The following SEC24B variants were observed in gnomAD, a reference collection of about 807,000 sequenced individuals.
SEC24B encodes the protein SEC24 homolog B, COPII component.
SEC24B carries 45 observed loss-of-function variants against 142.8 expected under a neutral mutation model. The observed-to-expected ratio is 0.32, with a 90% CI of 0.25 to 0.40. The LOEUF is 0.40. SEC24B is among the 10% of genes least tolerant of loss of function. The pLI is 1.00. For missense variants in SEC24B, 1,409 were observed against 1,526.8 expected (o/e 0.92, Z 1.29); for synonymous variants, 574 against 568.2 (o/e 1.01, Z -0.15).
chr4:109,439,068 T>C (rs140892529), intron 1 of SEC24B, among the ~76,000 whole-genome samples: 306 of 152,244 alleles, frequency 2.0e-3, no homozygotes, highest in African/African-American at 7.0e-3. Context: ...AGGAAGCAAA[T>C]GGTGTTCATT....
At chr4:109,539,259 G>A (rs1378781767) in intron 23 of SEC24B, among the ~76,000 whole-genome samples, 1 of 151,594 alleles carries the variant, frequency 6.6e-6, no homozygotes, top group African/African-American at 2.4e-5. Context: ...ACCACGCCCG[G>A]CCAATTTTAA....
At chr4:109,462,497 C>T (rs1484331267) in intron 1 of SEC24B, among the ~76,000 whole-genome samples, 1 of 152,080 alleles carries the variant, frequency 6.6e-6, no homozygotes, top group East Asian at 1.9e-4. Flanking sequence ...TGGCTGTTGG[C>T]CAGAGAGTTA....
intron 3 of SEC24B, 83 bp downstream of exon 3, chr4:109,473,269 C>A: frequency 1.1e-6 from 1 of 941,536 alleles, no homozygotes; most frequent in Non-Finnish European, 1.5e-6. Flanking sequence ...TACTTATAAT[C>A]TCAATCCAAA....
chr4:109,511,863 A>C (rs1363936271), intron 8 of SEC24B, 94 bp from the exon 9 acceptor site: 2 of 1,230,174 alleles, frequency 1.6e-6, no homozygotes, highest in Non-Finnish European at 2.3e-6. Context: ...AAAACAATTA[A>C]GGTTTATGTT....
intron 4 of SEC24B, among the ~76,000 whole-genome samples, chr4:109,490,130 C>T (rs755070704): frequency 2.6e-5 from 4 of 152,014 alleles, no homozygotes; most frequent in Non-Finnish European, 4.4e-5. Flanking sequence ...TAGCATTTTG[C>T]AGAAGAGTTA....
chr4:109,493,425 G>A (rs1735213718), intron 5 of SEC24B, among the ~76,000 whole-genome samples: 1 of 152,176 alleles, frequency 6.6e-6, no homozygotes, highest in African/African-American at 2.4e-5. Context: ...CAGTCAATAT[G>A]CCAAATTGTT....
intron 6 of SEC24B, among the ~76,000 whole-genome samples, chr4:109,495,089 T>C (rs1400968706): frequency 2.0e-5 from 3 of 152,170 alleles, no homozygotes; most frequent in East Asian, 1.9e-4. Context: ...GATCAAGATA[T>C]TAGATATGAT....
chr4:109,435,541 C>T (rs941514786), intron 1 of SEC24B, among the ~76,000 whole-genome samples: 1 of 152,132 alleles, frequency 6.6e-6, no homozygotes, highest in Admixed American at 6.5e-5. Flanking sequence ...TCTTAGTGAA[C>T]AGTTTTTAAA....
intron 1 of SEC24B, among the ~76,000 whole-genome samples, chr4:109,457,977 AC>A (rs1327160801): frequency 1.3e-5 from 2 of 152,232 alleles, no homozygotes; most frequent in African/African-American, 4.8e-5. Context: ...TAGGATGTGT[AC>A]ATAATCTTTT....
intron 1 of SEC24B, among the ~76,000 whole-genome samples, chr4:109,462,050 G>A (rs1731313797): frequency 6.6e-6 from 1 of 152,128 alleles, no homozygotes; most frequent in South Asian, 2.1e-4. Flanking sequence ...GTAAAAATTA[G>A]CTGGTCACCA....
chr4:109,531,612 G>A (rs1220152972), intron 20 of SEC24B, 90 bp downstream of exon 20: 1 of 984,112 alleles, frequency 1.0e-6, no homozygotes, highest in African/African-American at 1.6e-5. Context: ...CTATCAACTG[G>A]TTTTTCTTTT....
At chr4:109,456,578 CTAGTT>C (rs1730717615) in intron 1 of SEC24B, among the ~76,000 whole-genome samples, 1 of 152,062 alleles carries the variant, frequency 6.6e-6, no homozygotes, top group South Asian at 2.1e-4. Flanking sequence ...CTTTCTCTTC[CTAGTT>C]TATTGAGAGT....
At chr4:109,445,242 G>GTTTTT (rs70949078) in intron 1 of SEC24B, among the ~76,000 whole-genome samples, 10 of 112,766 alleles carry the variant, frequency 8.9e-5, no homozygotes, top group African/African-American at 3.8e-4. Flanking sequence ...TTCTTTCTTT[G>GTTTTT]TTTTTTTTTT....
Position 109,530,284 on chromosome 4 carries a change from T to C in SEC24B, c.3077-5T>C, listed in dbSNP as rs757328362. On this transcript the variant is annotated splice_polypyrimidine_tract_variant and splice_region_variant and intron_variant, in intron 18 of 23. Coordinates refer to ENST00000265175, the MANE Select transcript of SEC24B (RefSeq NM_006323.5). ...AAAATACCTTTCACTTTGGTTGCTTTTTAGCTGTGGATCGGTCCGTTTCAT... is the reference window on the plus strand; with the variant it reads ...AAAATACCTTTCACTTTGGTTGCTTCTTAGCTGTGGATCGGTCCGTTTCAT... 10 of 1,608,980 alleles carry C rather than the reference T, an allele frequency of 6.2e-6. No individual in the cohort carries two copies. The highest frequency in any genetic ancestry group is 8.5e-6 in the Non-Finnish European group (10 of 1,176,552).
intron 4 of SEC24B, 43 bp from the exon 5 acceptor site, chr4:109,491,284 T>C: frequency 6.7e-7 from 1 of 1,483,892 alleles, no homozygotes; most frequent in Non-Finnish European, 9.3e-7. Context: ...TTTAAGATAC[T>C]TTGTCATTTT....
intron 4 of SEC24B, among the ~76,000 whole-genome samples, chr4:109,489,230 C>G (rs1308858632): frequency 3.3e-5 from 5 of 152,000 alleles, no homozygotes; most frequent in Admixed American, 6.6e-5. Flanking sequence ...TTAGCACTTA[C>G]ATTTTATGTC....
chr4:109,526,751 TA>T (rs974539390), intron 17 of SEC24B, among the ~76,000 whole-genome samples: 1 of 152,206 alleles, frequency 6.6e-6, no homozygotes, highest in African/African-American at 2.4e-5. Flanking sequence ...AGTTTTCTGG[TA>T]TTTTACTCTA....
At chr4:109,451,818 G>T (rs1730122082) in intron 1 of SEC24B, among the ~76,000 whole-genome samples, 2 of 151,990 alleles carry the variant, frequency 1.3e-5, no homozygotes, top group African/African-American at 4.8e-5. Flanking sequence ...AATTATTTTT[G>T]TGTCTATCTG....
intron 4 of SEC24B, among the ~76,000 whole-genome samples, chr4:109,485,252 A>G (rs920237131): frequency 3.3e-5 from 5 of 152,248 alleles, no homozygotes; most frequent in African/African-American, 1.2e-4. Context: ...CTTCTCAACA[A>G]TTCTGCAAGG....
Sources: allele counts gnomAD v4.1 joint callset (sites outside exome capture counted in the v4.1 genomes callset), GRCh38; gene constraint gnomAD v4.1.1; transcripts MANE v1.5; gene names NCBI Gene and HGNC (gene_info 2026-07-23, HGNC 2026-07-21).